AKAP19: variants seen among roughly 807,000 people sequenced by gnomAD.
The protein encoded by AKAP19 is small A-kinase anchoring protein.
At chr2:190,093,248 C>A in the AKAP19 span, among the ~76,000 whole-genome samples, 1 of 142,130 alleles carries the variant, frequency 7.0e-6, no homozygotes, top group Admixed American at 7.3e-5. Context: ...CATGGTGAAA[C>A]CCCGTCTCTA....
the AKAP19 span, among the ~76,000 whole-genome samples, chr2:190,141,920 G>A: frequency 4.9e-4 from 74 of 152,268 alleles, no homozygotes; most frequent in African/African-American, 1.6e-3. Flanking sequence ...AAGGCTTAGC[G>A]GGAGGATTCT....
chr2:190,166,291 A>C, the AKAP19 span, among the ~76,000 whole-genome samples: 1 of 147,724 alleles, frequency 6.8e-6, no homozygotes, highest in Non-Finnish European at 1.5e-5. Context: ...TGACTATGTG[A>C]AGGAATTAAA....
chr2:189,971,346 G>C, the AKAP19 span, among the ~76,000 whole-genome samples: 1 of 152,132 alleles, frequency 6.6e-6, no homozygotes, highest in Non-Finnish European at 1.5e-5. Context: ...GTATTTCATG[G>C]TGTATATGTG....
the AKAP19 span, among the ~76,000 whole-genome samples, chr2:189,892,430 C>G: frequency 6.6e-6 from 1 of 152,124 alleles, no homozygotes; most frequent in African/African-American, 2.4e-5. Context: ...TGTAGACATC[C>G]TTTTTGTTGA....
At chr2:189,895,830 G>A in the AKAP19 span, among the ~76,000 whole-genome samples, 1 of 151,686 alleles carries the variant, frequency 6.6e-6, no homozygotes, top group Non-Finnish European at 1.5e-5. Context: ...AAGAAGAGAG[G>A]TGGGAGATCA....
chr2:190,062,400 A>T, the AKAP19 span: 1 of 1,613,534 alleles, frequency 6.2e-7, no homozygotes, highest in Non-Finnish European at 8.5e-7. Context: ...AGCTGTTTCC[A>T]GACGAAGTTT....
chr2:190,111,731 T>C, the AKAP19 span, among the ~76,000 whole-genome samples: 1 of 152,056 alleles, frequency 6.6e-6, no homozygotes, highest in Non-Finnish European at 1.5e-5. Flanking sequence ...ATCTATATCC[T>C]GGGGTTGGGG....
the AKAP19 span, among the ~76,000 whole-genome samples, chr2:190,083,035 A>G: frequency 6.6e-6 from 1 of 152,184 alleles, no homozygotes; most frequent in African/African-American, 2.4e-5. Context: ...GCTATTTAAC[A>G]TATGTATTAT....
At chr2:190,001,142 A>C in the AKAP19 span, among the ~76,000 whole-genome samples, 2 of 152,034 alleles carry the variant, frequency 1.3e-5, no homozygotes, top group Non-Finnish European at 2.9e-5. Flanking sequence ...TTACTTCTCA[A>C]CTCTAACATT....
At chr2:190,092,968 C>A in the AKAP19 span, among the ~76,000 whole-genome samples, 5 of 152,084 alleles carry the variant, frequency 3.3e-5, no homozygotes, top group Non-Finnish European at 7.4e-5. Context: ...ACCAGAAATA[C>A]CCTGTTGTAA....
the AKAP19 span, among the ~76,000 whole-genome samples, chr2:190,077,807 G>T: frequency 6.6e-6 from 1 of 152,114 alleles, no homozygotes; most frequent in Non-Finnish European, 1.5e-5. Context: ...TGTTTTAAAG[G>T]CTGACTTTTA....
the AKAP19 span, among the ~76,000 whole-genome samples, chr2:190,036,758 C>G: frequency 1.3e-5 from 2 of 152,128 alleles, no homozygotes; most frequent in Non-Finnish European, 2.9e-5. Context: ...TTATTGAGTG[C>G]CACAGTGAAG....
the AKAP19 span, among the ~76,000 whole-genome samples, chr2:189,974,737 G>C: frequency 6.6e-6 from 1 of 152,114 alleles, no homozygotes; most frequent in Non-Finnish European, 1.5e-5. Context: ...TTATGTAATG[G>C]TGTTCTTTGT....
chr2:190,178,973 A>G, the AKAP19 span, among the ~76,000 whole-genome samples: 2 of 152,366 alleles, frequency 1.3e-5, no homozygotes, highest in Middle Eastern at 3.4e-3. This position sits in a 1 kb window ranked among gnomAD's most constrained non-coding sequence, Gnocchi z 6.3. Context: ...GGAAGAGCAC[A>G]AGAAAATTAC....
the AKAP19 span, among the ~76,000 whole-genome samples, chr2:189,883,513 T>G: frequency 6.6e-6 from 1 of 151,248 alleles, no homozygotes; most frequent in Non-Finnish European, 1.5e-5. Context: ...TCCTGTTTTT[T>G]TTTTTTTTTT....
chr2:189,964,203 G>T, the AKAP19 span, among the ~76,000 whole-genome samples: 1 of 152,174 alleles, frequency 6.6e-6, no homozygotes, highest in Non-Finnish European at 1.5e-5. Flanking sequence ...GGGTGATGAG[G>T]TGCATTGTCA....
chr2:190,004,986 C>T, the AKAP19 span, among the ~76,000 whole-genome samples: 1 of 152,182 alleles, frequency 6.6e-6, no homozygotes, highest in Non-Finnish European at 1.5e-5. Context: ...CGGACCCTCA[C>T]AGTGAGCATT....
At chr2:190,155,833 G>GA in the AKAP19 span, among the ~76,000 whole-genome samples, 1 of 151,712 alleles carries the variant, frequency 6.6e-6, no homozygotes, top group African/African-American at 2.4e-5. Context: ...TATAAAAGAG[G>GA]AAAAAAATTT....
At chr2:189,914,302 G>A in the AKAP19 span, among the ~76,000 whole-genome samples, 1,941 of 152,124 alleles carry the variant, frequency 0.013, 43 homozygotes, top group African/African-American at 0.044. Context: ...ATTGATTTCT[G>A]AAGAGAAGTT....
Sources: allele counts gnomAD v4.1 joint callset (sites outside exome capture counted in the v4.1 genomes callset), GRCh38; gene constraint gnomAD v4.1.1; non-coding constraint Gnocchi (gnomAD v3.1); transcripts MANE v1.5; gene names NCBI Gene and HGNC (gene_info 2026-07-23, HGNC 2026-07-21).